The following CHST15 variants were observed in gnomAD, a reference collection of about 807,000 sequenced individuals.
CHST15 encodes the protein B cell RAG associated protein (GALNAC4S-6ST).
Under a neutral mutation model 53.6 loss-of-function variants are expected in CHST15, and 30 were observed. The observed-to-expected ratio is 0.56, with a 90% CI of 0.42 to 0.76. The LOEUF (loss-of-function observed/expected upper bound fraction) is 0.76, where lower values mean the gene tolerates loss of function less well. Ranked by LOEUF, CHST15 falls within the 30% of genes least tolerant of loss-of-function variation. CHST15 has a pLI of 0.00. For synonymous variants in CHST15, 296 were observed against 289.8 expected, an observed-to-expected ratio of 1.02 and a Z score of -0.22; for missense variants, 627 against 740.5, an observed-to-expected ratio of 0.85 and a Z score of 1.78.
At chr10:124,037,692 C>G (rs956103364) in intron 5 of CHST15, among the ~76,000 whole-genome samples, 1 of 152,226 alleles carries the variant, frequency 6.6e-6, no homozygotes, top group Non-Finnish European at 1.5e-5. Flanking sequence ...TTCAATATCC[C>G]ACTACCCTGG....
intron 1 of CHST15, among the ~76,000 whole-genome samples, chr10:124,080,347 C>T (rs1305000998): frequency 6.6e-6 from 1 of 152,172 alleles, no homozygotes; most frequent in Non-Finnish European, 1.5e-5. Context: ...ACAGCAGCAC[C>T]CTCTGAACAT....
At chr10:124,026,076 A>G (rs1454627239) in intron 5 of CHST15, among the ~76,000 whole-genome samples, 1 of 152,238 alleles carries the variant, frequency 6.6e-6, no homozygotes, top group African/African-American at 2.4e-5. Context: ...AATTACTCCA[A>G]GGAGTTATTT....
At chr10:124,017,458 T>C (rs1946624288) in intron 6 of CHST15, among the ~76,000 whole-genome samples, 1 of 152,122 alleles carries the variant, frequency 6.6e-6, no homozygotes, top group Non-Finnish European at 1.5e-5. Context: ...ATCGGGTTTG[T>C]TTTGAGAGTC....
Position 124,045,758 on chromosome 10 carries a change from A to G in CHST15, c.455T>C (p.Ile152Thr). ...TGTGATGCTGTTGATAATTAATTTA[A>G]TGCTTGGATAGTCCTTCATGTATGA... The part of the protein sequence containing the change: ...NISYMKDYPS[I>T]KLIINSITTR... Residue 152 changes from isoleucine (I) to threonine (T), a missense_variant, in exon 2 of 8, where the codon ATT (isoleucine) becomes ACT (threonine). By Grantham distance (89) the Ile-to-Thr change is moderately conservative (BLOSUM62 -1). Transcript: ENST00000435907. The G allele has an allele frequency of 6.2e-7, 1 of 1,614,106 alleles. No individual in the cohort carries two copies. The highest frequency in any genetic ancestry group is 1.1e-5 in the South Asian group (1 of 91,072).
chr10:124,042,268 G>A (rs1947767466), intron 4 of CHST15, 33 bp downstream of exon 4: 2 of 1,593,722 alleles, frequency 1.3e-6, no homozygotes, highest in Non-Finnish European at 1.7e-6. Flanking sequence ...CAGGGAGGGT[G>A]CTAGCCCTGC....
chr10:124,089,191 C>A (rs1265113112), intron 1 of CHST15, among the ~76,000 whole-genome samples: 1 of 152,172 alleles, frequency 6.6e-6, no homozygotes, highest in African/African-American at 2.4e-5. Flanking sequence ...AGGGAGGCTG[C>A]GTGATTCTCA....
chr10:124,007,691 G>A lies in CHST15; in HGVS notation c.*2458C>T, dbSNP rs996341087. 2.4e-5 allele frequency: 29 copies of A among 1,220,730 alleles called. No individual in the cohort carries two copies. The highest frequency in any genetic ancestry group is 6.5e-5 in the East Asian group (2 of 30,984). 75.6% of individuals were successfully genotyped at this position (1,220,730 alleles called of 1,614,324 possible). The stretch of plus-strand genomic sequence containing the variant: ...GCTTGGCTGCAGAGGAAGAGCACGC[G>A]CTCCACAGGCGTCACTCTTATGGGT... On this transcript the variant is annotated 3_prime_UTR_variant, in exon 8 of 8. Coordinates refer to ENST00000435907, the MANE Select transcript of CHST15 (RefSeq NM_001270764.2).
chr10:124,072,445 G>C (rs921390379), intron 1 of CHST15, among the ~76,000 whole-genome samples: 10 of 152,124 alleles, frequency 6.6e-5, no homozygotes, highest in African/African-American at 2.2e-4. Context: ...ACAGCTTTTG[G>C]CACAGGGAAA....
At position 124,020,627 on chromosome 10, in the gene CHST15, G is replaced by A. The variant is rs117756124; in HGVS notation, c.1347+629C>T. The A allele has an allele frequency of 3.3e-3, 3,276 of 987,828 alleles. 10 individuals are homozygous for A. Among genetic ancestry groups the A allele is most frequent in the Admixed American group, 5.3e-3 (89 of 16,646 alleles). The allele number at this position is 987,828 out of a possible 1,614,324, so 61.2% of individuals were successfully genotyped here. ...GTAAAGCCACTCTGGAACACGCAGC[G>A]GCAATGCTCGCTGCATAAGCCCTGC... On this transcript the variant is annotated intron_variant, in intron 6 of 7. Coordinates refer to ENST00000435907, the MANE Select transcript of CHST15 (RefSeq NM_001270764.2).
chr10:124,022,672 G>C (rs1388050620), intron 5 of CHST15, among the ~76,000 whole-genome samples: 1 of 152,034 alleles, frequency 6.6e-6, no homozygotes, highest in Admixed American at 6.6e-5. Context: ...CCACCCCCAG[G>C]AGATGCCTGG....
chr10:124,093,199 A>C (rs1438056992), intron 1 of CHST15, among the ~76,000 whole-genome samples: 1 of 152,038 alleles, frequency 6.6e-6, no homozygotes, highest in Non-Finnish European at 1.5e-5. Context: ...CCCGGGGCCC[A>C]AACCTGCCTC....
Position 124,055,609 on chromosome 10 carries a change from A to G in CHST15, c.-512-8885T>C, listed in dbSNP as rs147755747. 2.6e-5 allele frequency among the ~76,000 whole-genome samples: 4 copies of G among 152,316 alleles called. No individual in the cohort carries two copies. In the East Asian group the frequency reaches 7.7e-4, roughly 29 times the overall value. ...GTTCTACAGTAGAACAAGGTACTAA[A>G]AAGCTGAGCTGGCCAGGATCATTCG... On this transcript the variant is annotated intron_variant, in intron 1 of 7. Transcript: ENST00000435907.
chr10:124,063,652 A>C (rs1008930350), intron 1 of CHST15, among the ~76,000 whole-genome samples: 1 of 152,228 alleles, frequency 6.6e-6, no homozygotes, highest in Admixed American at 6.5e-5. Flanking sequence ...CTCGAAAAAA[A>C]AAATCTCACT....
intron 4 of CHST15, among the ~76,000 whole-genome samples, chr10:124,041,451 T>C (rs1241997814): frequency 6.6e-6 from 1 of 152,184 alleles, no homozygotes; most frequent in Non-Finnish European, 1.5e-5. Context: ...AGGTAGAGCA[T>C]GTGCACTGTA....
intron 1 of CHST15, among the ~76,000 whole-genome samples, chr10:124,063,239 C>T (rs1489532282): frequency 6.6e-6 from 1 of 152,082 alleles, no homozygotes; most frequent in East Asian, 1.9e-4. Flanking sequence ...AAAAATTAGC[C>T]GGGCGTGGTG....
chr10:124,035,480 G>A (rs1440079790), intron 5 of CHST15, among the ~76,000 whole-genome samples: 1 of 149,608 alleles, frequency 6.7e-6, no homozygotes. Context: ...CAGGGACCCC[G>A]GCTCTACCCC....
chr10:124,076,710 ATTT>A (rs11318249), intron 1 of CHST15, among the ~76,000 whole-genome samples: 5 of 137,772 alleles, frequency 3.6e-5, no homozygotes, highest in African/African-American at 1.1e-4. Flanking sequence ...TAAATTCTTA[ATTT>A]TTTTTTTTTT....
Position 124,046,236 on chromosome 10 carries a change from C to T in CHST15, c.-24G>A. ...ATGGTAGTGCCAGTGCCCTGGGCTG[C>T]TGGCTTACCGAGCCATGGGTGGGCC... On this transcript the variant is annotated 5_prime_UTR_variant, in exon 2 of 8. Coordinates refer to ENST00000435907, the MANE Select transcript of CHST15 (RefSeq NM_001270764.2). 1.3e-6 allele frequency: 2 copies of T among 1,552,912 alleles called. No individual in the cohort carries two copies. The highest frequency in any genetic ancestry group is 1.7e-6 in the Non-Finnish European group (2 of 1,149,126).
At chr10:124,065,000 A>C (rs528844610) in intron 1 of CHST15, among the ~76,000 whole-genome samples, 2 of 152,334 alleles carry the variant, frequency 1.3e-5, no homozygotes, top group South Asian at 4.1e-4. Flanking sequence ...AGTCCTGAAG[A>C]AAATTCTAAA....
Sources: gnomAD v4.1 joint callset for allele counts (sites outside exome capture counted in the v4.1 genomes callset) on GRCh38, gnomAD v4.1.1 for gene constraint, MANE v1.5 for transcripts, NCBI Gene and HGNC (gene_info 2026-07-23, HGNC 2026-07-21) for gene names.